The following FSD1L variants were observed in gnomAD, a reference collection of about 807,000 sequenced individuals.
The protein encoded by FSD1L is fibronectin type III and SPRY domain containing 1 like.
In FSD1L, 45 loss-of-function variants were observed where a neutral mutation model predicts 71.6. The observed-to-expected ratio is 0.63, with a 90% confidence interval of 0.49 to 0.81. The LOEUF (loss-of-function observed/expected upper bound fraction) is 0.81. FSD1L is among the 30% of genes least tolerant of loss of function. The pLI is 0.00. For synonymous variants in FSD1L, 197 were observed against 207.2 expected (o/e 0.95, Z 0.42); for missense variants, 561 against 618.1 (o/e 0.91, Z 0.98).
intron 1 of FSD1L, among the ~76,000 whole-genome samples, chr9:105,449,482 G>A (rs1339722718): frequency 1.3e-5 from 2 of 152,174 alleles, no homozygotes; most frequent in Admixed American, 1.3e-4. Flanking sequence ...CATTAGCAGA[G>A]GTCAAGTGAA....
At chr9:105,496,465 TC>T (rs1224656646) in intron 7 of FSD1L, among the ~76,000 whole-genome samples, 4 of 152,210 alleles carry the variant, frequency 2.6e-5, no homozygotes, top group African/African-American at 9.7e-5. Flanking sequence ...TTGCAATCAA[TC>T]TGTAGGTCAA....
chr9:105,466,352 A>G (rs1012322623), intron 3 of FSD1L, among the ~76,000 whole-genome samples: 3 of 152,214 alleles, frequency 2.0e-5, no homozygotes, highest in Non-Finnish European at 4.4e-5. Context: ...CCAAATACCA[A>G]TGTCATTTTC....
At chr9:105,482,150 A>G (rs1014619835) in intron 6 of FSD1L, among the ~76,000 whole-genome samples, 1 of 152,224 alleles carries the variant, frequency 6.6e-6, no homozygotes, top group Non-Finnish European at 1.5e-5. Context: ...GAAATCAAAT[A>G]TAAAAAATGA....
chr9:105,533,061 C>T (rs1835998189), intron 10 of FSD1L, among the ~76,000 whole-genome samples: 2 of 152,040 alleles, frequency 1.3e-5, no homozygotes, highest in African/African-American at 2.4e-5. Flanking sequence ...TTGATCTTTT[C>T]TTAGGAAGAA....
At chr9:105,529,051 A>C (rs575004872) in intron 10 of FSD1L, among the ~76,000 whole-genome samples, 1 of 152,360 alleles carries the variant, frequency 6.6e-6, no homozygotes, top group South Asian at 2.1e-4. Flanking sequence ...GAGAAATGCA[A>C]ATCAAAACCA....
At chr9:105,530,237 C>G (rs1835806328) in intron 10 of FSD1L, among the ~76,000 whole-genome samples, 1 of 152,128 alleles carries the variant, frequency 6.6e-6, no homozygotes, top group South Asian at 2.1e-4. Context: ...CTAGAGGTAG[C>G]TGAAGAGGCT....
At chr9:105,490,988 G>T (rs891472936) in intron 7 of FSD1L, among the ~76,000 whole-genome samples, 9 of 149,180 alleles carry the variant, frequency 6.0e-5, no homozygotes, top group African/African-American at 2.2e-4. Flanking sequence ...TGGCGATGTG[G>T]GCTCTTTTTT....
intron 9 of FSD1L, among the ~76,000 whole-genome samples, chr9:105,510,025 G>A (rs1414211511): frequency 6.6e-6 from 1 of 152,018 alleles, no homozygotes; most frequent in African/African-American, 2.4e-5. Flanking sequence ...CATATTTAAT[G>A]ACCAAAGTTG....
chr9:105,535,170 T>C lies in FSD1L; in HGVS notation c.1230T>C (p.Phe410=). Residue 410 remains phenylalanine, a synonymous_variant, in exon 12 of 14, where the codon TTT becomes TTC. Coordinates refer to ENST00000481272, the MANE Select transcript of FSD1L (RefSeq NM_001145313.3). ...TAGCATACAAAACGTTGGGGAAATT[T>C]GACCAATTGGGAAAGACAAACACTA... The part of the protein sequence containing the change: ...VGVAYKTLGK[F]DQLGKTNTSW... 1 of 1,552,020 alleles carries C rather than the reference T, an allele frequency of 6.4e-7. No homozygotes were observed. Among genetic ancestry groups the C allele is most frequent in the Non-Finnish European group, 8.7e-7 (1 of 1,147,054 alleles).
chr9:105,543,994 T>A (rs1416887803), intron 13 of FSD1L, among the ~76,000 whole-genome samples: 2 of 152,218 alleles, frequency 1.3e-5, no homozygotes, highest in African/African-American at 2.4e-5. Context: ...TCTAGATCCC[T>A]GAGGAATCGC....
In FSD1L at chr9:105,525,694, G is replaced by A. The variant is rs1022996608; in HGVS notation, c.1026-8799G>A. 124 of 1,607,854 alleles carry A rather than the reference G, an allele frequency of 7.7e-5. No homozygotes were observed. In the Admixed American group the frequency reaches 2.0e-3, roughly 26 times the overall value. On this transcript the variant is annotated intron_variant, in intron 10 of 13. Coordinates refer to ENST00000481272, the MANE Select transcript of FSD1L (RefSeq NM_001145313.3). ...ACACAAGATTGCAGTATTTTATGTTGCTGAAGGACAAGAAGACAAACACTC... is the reference window on the plus strand; with the variant it reads ...ACACAAGATTGCAGTATTTTATGTTACTGAAGGACAAGAAGACAAACACTC...
At chr9:105,522,684 A>C (rs1378254404) in intron 10 of FSD1L, 1 of 1,611,676 alleles carries the variant, frequency 6.2e-7, no homozygotes, top group Non-Finnish European at 8.5e-7. Flanking sequence ...TGAACGAGCC[A>C]AAGTCAATAA....
intron 10 of FSD1L, chr9:105,530,718 G>C: frequency 2.0e-6 from 1 of 493,202 alleles, no homozygotes; most frequent in Middle Eastern, 2.8e-4. Flanking sequence ...AGTGTATTTT[G>C]AAAAAGTTTC....
chr9:105,494,287 T>A (rs1280098808), intron 7 of FSD1L, among the ~76,000 whole-genome samples: 2 of 152,208 alleles, frequency 1.3e-5, no homozygotes, highest in African/African-American at 4.8e-5. Flanking sequence ...TTCCAGTTGA[T>A]TGCATCGGCT....
At position 105,548,824 on chromosome 9, in the gene FSD1L, T is replaced by C. The variant is rs999100660; in HGVS notation, c.*2341T>C. 1.3e-5 allele frequency: 2 copies of C among 152,068 alleles called. No homozygotes were observed. Among genetic ancestry groups the C allele is most frequent in the Non-Finnish European group, 2.9e-5 (2 of 67,958 alleles). 9.4% of individuals were successfully genotyped at this position (152,068 alleles called of 1,614,324 possible). On this transcript the variant is annotated 3_prime_UTR_variant, in exon 14 of 14. Coordinates refer to ENST00000481272, the MANE Select transcript of FSD1L (RefSeq NM_001145313.3). ...AAATAAGAGTCTGAGGATTTCTTCT[T>C]ACTGGCGTTCTTAAAGGTCTCTAAA...
intron 10 of FSD1L, among the ~76,000 whole-genome samples, chr9:105,527,615 A>G (rs1835594996): frequency 6.6e-6 from 1 of 151,986 alleles, no homozygotes; most frequent in Non-Finnish European, 1.5e-5. Flanking sequence ...TAAAATATAA[A>G]TTATGTATCA....
chr9:105,456,542 G>C (rs1830369663), intron 1 of FSD1L, among the ~76,000 whole-genome samples: 1 of 152,170 alleles, frequency 6.6e-6, no homozygotes, highest in African/African-American at 2.4e-5. Flanking sequence ...CTTATATCTT[G>C]TACATCTTAG....
intron 6 of FSD1L, among the ~76,000 whole-genome samples, chr9:105,480,294 C>CT (rs202199417): frequency 0.14 from 20,108 of 140,096 alleles, 1,815 homozygotes; most frequent in East Asian, 0.47. Flanking sequence ...CTGGGTTTCT[C>CT]TTTTTTTTTT....
intron 10 of FSD1L, among the ~76,000 whole-genome samples, chr9:105,516,538 C>T (rs1007136257): frequency 2.0e-5 from 3 of 152,192 alleles, no homozygotes; most frequent in Non-Finnish European, 4.4e-5. Context: ...GCTGGTGATA[C>T]CCAGGCCAAC....
Sources: allele counts gnomAD v4.1 joint callset (sites outside exome capture counted in the v4.1 genomes callset), GRCh38; gene constraint gnomAD v4.1.1; transcripts MANE v1.5; gene names NCBI Gene and HGNC (gene_info 2026-07-23, HGNC 2026-07-21).